The following LMBRD1 variants were observed in gnomAD, a reference collection of about 807,000 sequenced individuals.
LMBRD1 encodes the protein lysosomal cobalamin transport escort protein LMBD1.
LMBRD1 carries 64 observed loss-of-function variants against 74.8 expected under a neutral mutation model. The observed-to-expected ratio is 0.86, with a 90% CI of 0.70 to 1.05. LMBRD1 has a LOEUF of 1.05. Among genes scored for constraint, LMBRD1 ranks in the 50% least tolerant of loss-of-function variants. The probability of loss-of-function intolerance (pLI) is 0.00; values close to 1 mark genes in which losing one functional copy is unlikely to be tolerated. For synonymous variants in LMBRD1, 204 were observed against 216.3 expected (o/e 0.94, Z 0.50); for missense variants, 652 against 645.9 (o/e 1.01, Z -0.10).
chr6:69,778,023 AC>A (rs1765743311), intron 3 of LMBRD1, among the ~76,000 whole-genome samples: 1 of 152,232 alleles, frequency 6.6e-6, no homozygotes. Flanking sequence ...GCTGTAGGTC[AC>A]CTCTGGGTCA....
At chr6:69,763,305 A>G (rs1765410317) in intron 3 of LMBRD1, among the ~76,000 whole-genome samples, 1 of 152,144 alleles carries the variant, frequency 6.6e-6, no homozygotes, top group African/African-American at 2.4e-5. Context: ...CAGCCTATCC[A>G]CATTGCAAAA....
intron 1 of LMBRD1, among the ~76,000 whole-genome samples, chr6:69,796,229 T>G (rs1766224337): frequency 6.6e-6 from 1 of 152,016 alleles, no homozygotes; most frequent in Admixed American, 6.5e-5. Context: ...TCCACAGGTA[T>G]CTACACCAAT....
chr6:69,785,349 T>C (rs1429115727), intron 2 of LMBRD1, among the ~76,000 whole-genome samples: 1 of 152,186 alleles, frequency 6.6e-6, no homozygotes, highest in African/African-American at 2.4e-5. Flanking sequence ...GTAGATATCA[T>C]CCATATGTTG....
intron 7 of LMBRD1, among the ~76,000 whole-genome samples, chr6:69,724,403 C>T (rs1766682946): frequency 6.9e-6 from 1 of 143,886 alleles, no homozygotes. Flanking sequence ...CATACAAAAA[C>T]CCCTACCATA....
At chr6:69,679,509 C>A (rs1185215599) in intron 14 of LMBRD1, among the ~76,000 whole-genome samples, 2 of 152,152 alleles carry the variant, frequency 1.3e-5, no homozygotes, top group East Asian at 3.9e-4. Context: ...CAAATCCATT[C>A]ATATTCAATG....
chr6:69,785,676 T>C (rs991721973), intron 2 of LMBRD1, among the ~76,000 whole-genome samples: 7 of 152,246 alleles, frequency 4.6e-5, no homozygotes, highest in Admixed American at 3.9e-4. Context: ...TTAATCATTT[T>C]TCTCTACTAG....
intron 3 of LMBRD1, among the ~76,000 whole-genome samples, chr6:69,764,171 A>G (rs1382822711): frequency 3.3e-5 from 5 of 152,156 alleles, no homozygotes; most frequent in Non-Finnish European, 7.3e-5. Flanking sequence ...CCCAGAATTC[A>G]TATGTTGAAG....
chr6:69,705,348 C>T, intron 9 of LMBRD1: 1 of 787,342 alleles, frequency 1.3e-6, no homozygotes, highest in Non-Finnish European at 2.3e-6. Context: ...CATCCGGAAG[C>T]AATTCTTCAT....
intron 3 of LMBRD1, among the ~76,000 whole-genome samples, chr6:69,763,176 G>C (rs2149883569): frequency 6.6e-6 from 1 of 150,832 alleles, no homozygotes; most frequent in South Asian, 2.1e-4. Flanking sequence ...AGATTCCTAA[G>C]CAAAGTGTTG....
chr6:69,790,355 G>C lies in LMBRD1; in HGVS notation c.187C>G (p.Leu63Val), dbSNP rs775365046. The change falls in exon 2 of 16, where the codon CTT becomes GTT. Residue 63 changes from leucine to valine, a missense_variant. Coordinates refer to ENST00000649934, the MANE Select transcript of LMBRD1 (RefSeq NM_018368.4). ...SLAIALITSA[L>V]LPVDIFLVSY... is the part of the protein sequence containing the mutation. ...ACCAAAAATATATCCACTGGTAGAA[G>C]TGCTGATGTGATAAGTGCAATTGCT... is the stretch of plus-strand genomic sequence containing the variant. 8 of 1,613,534 alleles carry C rather than the reference G, an allele frequency of 5.0e-6. No individual in the cohort carries two copies. Among genetic ancestry groups the C allele is most frequent in the Middle Eastern group, 1.7e-4 (1 of 6,058 alleles).
intron 7 of LMBRD1, among the ~76,000 whole-genome samples, chr6:69,730,984 A>T (rs559086718): frequency 6.6e-6 from 1 of 152,238 alleles, no homozygotes; most frequent in South Asian, 2.1e-4. Context: ...AGAGATAAGA[A>T]TAGAACACAC....
chr6:69,756,350 A>G lies in LMBRD1; in HGVS notation c.308-3994T>C, dbSNP rs138261137. Among the ~76,000 whole-genome samples the G allele has an allele frequency of 8.0e-5, 12 of 150,004 alleles. No individual in the cohort carries two copies. The East Asian group carries it at 2.3e-3, about 29-fold the overall frequency. On this transcript the variant is annotated intron_variant, in intron 3 of 15. Transcript: ENST00000649934. ...TGCACTGCAGCCTGGGCAACAGAAC[A>G]GGACTCAATCTCAAAAAAAAAAAAA...
At chr6:69,700,515 C>T (rs1167692395) in intron 12 of LMBRD1, among the ~76,000 whole-genome samples, 1 of 151,878 alleles carries the variant, frequency 6.6e-6, no homozygotes, top group South Asian at 2.1e-4. Flanking sequence ...CACTAGCATT[C>T]CCCAATTATA....
At chr6:69,703,968 T>A (rs1766191709) in intron 9 of LMBRD1, among the ~76,000 whole-genome samples, 1 of 152,104 alleles carries the variant, frequency 6.6e-6, no homozygotes, top group South Asian at 2.1e-4. Context: ...GTCTCTCAAT[T>A]TGGATTGCCT....
rs1441528169 is a variant in LMBRD1 at position 69,741,883 on chromosome 6, A to G, written c.474-6T>C. 2 of 1,534,522 alleles carry G rather than the reference A, an allele frequency of 1.3e-6. No homozygotes were observed. Among genetic ancestry groups the G allele is most frequent in the African/African-American group, 2.7e-5 (2 of 73,312 alleles). On this transcript the variant is annotated splice_polypyrimidine_tract_variant and splice_region_variant and intron_variant, in intron 5 of 15. Transcript: ENST00000649934. ...CATTCAATGGAACAAAGGCACTACA[A>G]AAGAGAAAATAATTGTTTTAATAGC...
At chr6:69,676,306 A>G (rs907891050) in intron 15 of LMBRD1, 35 bp from the exon 16 acceptor site, 1 of 1,602,326 alleles carries the variant, frequency 6.2e-7, no homozygotes, top group African/African-American at 1.3e-5. Context: ...TTATTTTTCA[A>G]ATTTAAAATC....
intron 4 of LMBRD1, among the ~76,000 whole-genome samples, chr6:69,749,754 A>G (rs1051766382): frequency 2.6e-5 from 4 of 151,206 alleles, no homozygotes; most frequent in African/African-American, 9.7e-5. Context: ...CCCCAACCCA[A>G]TTCATCAAAA....
At chr6:69,780,058 C>T (rs982026576) in intron 3 of LMBRD1, among the ~76,000 whole-genome samples, 21 of 151,958 alleles carry the variant, frequency 1.4e-4, no homozygotes, top group Admixed American at 2.0e-4. Flanking sequence ...CATATCCCCA[C>T]CTGTGTAGAA....
chr6:69,767,957 C>T (rs933729363), intron 3 of LMBRD1, among the ~76,000 whole-genome samples: 2 of 151,756 alleles, frequency 1.3e-5, no homozygotes, highest in East Asian at 1.9e-4. Context: ...ATGAAATGTC[C>T]GTTGTCTTAA....
Sources: gnomAD v4.1 joint callset for allele counts (sites outside exome capture counted in the v4.1 genomes callset) on GRCh38, gnomAD v4.1.1 for gene constraint, MANE v1.5 for transcripts, NCBI Gene and HGNC (gene_info 2026-07-23, HGNC 2026-07-21) for gene names.